The following TLE3 variants were observed in gnomAD, a reference collection of about 807,000 sequenced individuals.
TLE3 encodes the protein TLE family member 3, transcriptional corepressor.
TLE3 carries 14 observed loss-of-function variants against 93.0 expected under a neutral mutation model. The observed-to-expected ratio is 0.15, with a 90% CI of 0.10 to 0.24. TLE3 has a LOEUF of 0.24. TLE3 is among the 10% of genes least tolerant of loss of function. The pLI, the probability that TLE3 is intolerant of heterozygous loss-of-function variation, is 1.00. For missense variants in TLE3, 693 were observed against 1,046.6 expected (o/e 0.66, Z 4.66); for synonymous variants, 451 against 425.0 (o/e 1.06, Z -0.75).
intron 9 of TLE3, among the ~76,000 whole-genome samples, chr15:70,059,793 C>A (rs1490022808): frequency 6.6e-6 from 1 of 152,236 alleles, no homozygotes; most frequent in African/African-American, 2.4e-5. Context: ...AACCTTCTTC[C>A]CAGCTGGTTT....
chr15:70,096,963 G>A lies in TLE3; in HGVS notation c.-165C>T, dbSNP rs890926703. On this transcript the variant is annotated 5_prime_UTR_variant, in exon 1 of 20. Coordinates refer to ENST00000451782, the MANE Select transcript of TLE3 (RefSeq NM_001105192.3). The stretch of plus-strand genomic sequence containing the variant: ...TCGCAGCGAAATCCCAGAGTCGGGC[G>A]CCCGCCCCAAGTGGAGACAAAGAGC... The A allele has an allele frequency of 2.4e-6, 2 of 820,160 alleles. No homozygotes were observed. Among genetic ancestry groups the A allele is most frequent in the African/African-American group, 1.8e-5 (1 of 56,072 alleles). 50.8% of individuals were successfully genotyped at this position (820,160 alleles called of 1,614,324 possible). A position where few individuals can be genotyped will look rare whatever the true frequency, so the allele number is the denominator to read the frequency against.
Position 70,058,561 on chromosome 15 carries a change from C to T in TLE3, c.918+102G>A, listed in dbSNP as rs74900915. The T allele has an allele frequency of 1.6e-3, 2,341 of 1,456,740 alleles. 37 individuals carry two copies. The African/African-American group carries it at 0.03, about 19-fold the overall frequency. 90.2% of individuals were successfully genotyped at this position (1,456,740 alleles called of 1,614,324 possible). A position where few individuals can be genotyped will look rare whatever the true frequency, so the allele number is the denominator to read the frequency against. On this transcript the variant is annotated intron_variant, in intron 11 of 19. Transcript: ENST00000451782. This position sits in a 1 kb window ranked among gnomAD's most constrained non-coding sequence, Gnocchi z 4.1. ...AAGGTAAACCGGGGCCAATCACCCACCCAGCTTCTCCCACTCCACCCCTCT... is the reference window on the plus strand; with the variant it reads ...AAGGTAAACCGGGGCCAATCACCCATCCAGCTTCTCCCACTCCACCCCTCT...
rs1208948473 is a variant in TLE3 at position 70,074,492 on chromosome 15, G to T, written c.372+41C>A. The T allele has an allele frequency of 1.9e-6, 3 of 1,591,002 alleles. No homozygotes were observed. In the African/African-American group the frequency reaches 4.0e-5, roughly 21 times the overall value. The stretch of plus-strand genomic sequence containing the variant: ...TATGATAAATGAGAGGAATAAAAGG[G>T]CTATACACACGGTAAGAGGCAGATT... On this transcript the variant is annotated intron_variant, in intron 6 of 19. Coordinates refer to ENST00000451782, the MANE Select transcript of TLE3 (RefSeq NM_001105192.3).
intron 4 of TLE3, among the ~76,000 whole-genome samples, chr15:70,083,373 C>T (rs2057881158): frequency 6.6e-6 from 1 of 152,194 alleles, no homozygotes; most frequent in Non-Finnish European, 1.5e-5. Flanking sequence ...GGTTCCCAAA[C>T]ACACTAAACT....
chr15:70,065,983 C>CCCCCCCCCCCAAG, intron 7 of TLE3, 31 bp downstream of exon 7: 5 of 1,466,188 alleles, frequency 3.4e-6, no homozygotes, highest in Non-Finnish European at 4.8e-6. Flanking sequence ...ACCCCTGCCC[C>CCCCCCCCCCCAAG]GCCCCACCCT....
chr15:70,076,600 T>A (rs113406467), intron 4 of TLE3, among the ~76,000 whole-genome samples: 3,516 of 152,316 alleles, frequency 0.023, 143 homozygotes, highest in East Asian at 0.21. Context: ...TAAATGGGAC[T>A]AAGCTGATAA....
At chr15:70,074,637 A>G in intron 5 of TLE3, 30 bp from the exon 6 acceptor site, 1 of 1,585,002 alleles carries the variant, frequency 6.3e-7, no homozygotes, top group South Asian at 1.1e-5. Context: ...CGTTAGATGC[A>G]GCCACTTTCC....
Position 70,054,427 on chromosome 15 carries a change from T to G in TLE3, c.1826+11A>C. 6.2e-7 allele frequency: 1 copy of G among 1,608,750 alleles called. No homozygotes were observed. The highest frequency in any genetic ancestry group is 8.5e-7 in the Non-Finnish European group (1 of 1,176,092). ...AGGACGAGGCACTAATGCTCCCTCCTGCCGGCTCACCTGACCAGGGTCTGG... is the reference window on the plus strand; with the variant it reads ...AGGACGAGGCACTAATGCTCCCTCCGGCCGGCTCACCTGACCAGGGTCTGG... On this transcript the variant is annotated intron_variant, in intron 16 of 19. Coordinates refer to ENST00000451782, the MANE Select transcript of TLE3 (RefSeq NM_001105192.3).
intron 6 of TLE3, 26 bp from the exon 7 acceptor site, chr15:70,066,244 A>C: frequency 6.7e-7 from 1 of 1,486,594 alleles, no homozygotes; most frequent in Non-Finnish European, 8.9e-7. Context: ...TGGTGAGTAC[A>C]GCTGAGTTGG....
At chr15:70,088,565 G>A (rs1466783819) in intron 4 of TLE3, among the ~76,000 whole-genome samples, 1 of 152,190 alleles carries the variant, frequency 6.6e-6, no homozygotes, top group Non-Finnish European at 1.5e-5. Flanking sequence ...CAAGGCCCTT[G>A]AGCACGCAGT....
At chr15:70,062,919 C>A (rs2056585248) in intron 8 of TLE3, among the ~76,000 whole-genome samples, 1 of 151,148 alleles carries the variant, frequency 6.6e-6, no homozygotes, top group Non-Finnish European at 1.5e-5. Flanking sequence ...AACAGCCCAG[C>A]TCTTGGGGGT....
chr15:70,090,614 G>A (rs989172202), intron 4 of TLE3, among the ~76,000 whole-genome samples: 8 of 152,154 alleles, frequency 5.3e-5, no homozygotes, highest in Admixed American at 6.5e-5. Context: ...AGAGCGGGGA[G>A]GGGAGGGGAG....
In TLE3 at chr15:70,057,568, G is replaced by T. The variant is rs985863250; in HGVS notation, c.1142C>A (p.Thr381Asn). 4.4e-6 allele frequency: 7 copies of T among 1,601,418 alleles called. No individual in the cohort carries two copies. The highest frequency in any genetic ancestry group is 6.0e-6 in the Non-Finnish European group (7 of 1,174,740). ...MSHHEMNGSL[T>N]SPGAYAGLHN... ...GAGGCCGGCGTAGGCGCCAGGACTGGTGAGGGAGCCGTTCATCTCATGGTG... is the reference window on the plus strand; with the variant it reads ...GAGGCCGGCGTAGGCGCCAGGACTGTTGAGGGAGCCGTTCATCTCATGGTG... The change falls in exon 13 of 20, where the codon ACC becomes AAC. Residue 381 changes from threonine (T) to asparagine (N), a missense_variant. Transcript: ENST00000451782.
intron 8 of TLE3, 29 bp downstream of exon 8, chr15:70,064,425 C>A: frequency 1.9e-6 from 3 of 1,613,386 alleles, no homozygotes; most frequent in South Asian, 1.1e-5. Context: ...CCCAAACACC[C>A]CTCCGGGTTC....
At chr15:70,061,775 A>G (rs956817034) in intron 8 of TLE3, among the ~76,000 whole-genome samples, 10 of 152,216 alleles carry the variant, frequency 6.6e-5, no homozygotes, top group African/African-American at 2.4e-4. Flanking sequence ...GAGTGGCAGA[A>G]TGAATGAGAT....
Position 70,058,273 on chromosome 15 carries a change from G to A in TLE3, c.937C>T (p.Pro313Ser). The part of the protein sequence containing the change: ...DLGHNDKSST[P>S]GLKSNTPTPR... ...GTTGGTGTGTTGGACTTGAGCCCAG[G>A]GGTGGAGGATTTGTCGTTCTGAAGA... Residue 313 changes from proline to serine, a missense_variant, in exon 12 of 20, where the codon CCT (proline) becomes TCT (serine). By Grantham distance (74) the Pro-to-Ser change is moderately conservative. Transcript: ENST00000451782. This position sits in a 1 kb window ranked among gnomAD's most constrained non-coding sequence, Gnocchi z 4.1. 1.2e-6 allele frequency: 2 copies of A among 1,610,888 alleles called. No individual in the cohort carries two copies. Among genetic ancestry groups the A allele is most frequent in the South Asian group, 1.1e-5 (1 of 90,546 alleles).
intron 4 of TLE3, among the ~76,000 whole-genome samples, chr15:70,079,814 C>T (rs1462737728): frequency 6.6e-6 from 1 of 151,986 alleles, no homozygotes; most frequent in Non-Finnish European, 1.5e-5. Context: ...ACAATAACCC[C>T]GCGGAGAAGG....
intron 19 of TLE3, chr15:70,051,157 C>G (rs2055499196): frequency 2.5e-6 from 1 of 399,074 alleles, no homozygotes; most frequent in Non-Finnish European, 4.6e-6. Context: ...AGCCCTTGCC[C>G]TCGGGGGTCA....
intron 6 of TLE3, among the ~76,000 whole-genome samples, chr15:70,071,477 C>G (rs1376305145): frequency 6.6e-6 from 1 of 152,110 alleles, no homozygotes; most frequent in Non-Finnish European, 1.5e-5. Context: ...AAGGAAGACC[C>G]CAGGAATACT....
Sources: allele counts gnomAD v4.1 joint callset (sites outside exome capture counted in the v4.1 genomes callset), GRCh38; gene constraint gnomAD v4.1.1; non-coding constraint Gnocchi (gnomAD v3.1); transcripts MANE v1.5; gene names NCBI Gene and HGNC (gene_info 2026-07-23, HGNC 2026-07-21).